The following CCDC172 variants were observed in gnomAD, a reference collection of about 807,000 sequenced individuals.
CCDC172 encodes coiled-coil domain containing 172.
A neutral mutation model predicts 38.0 loss-of-function variants in CCDC172; 30 were observed. That is an observed-to-expected ratio of 0.79 (90% confidence interval 0.59 to 1.07). The LOEUF is 1.07. CCDC172 is among the 50% of genes least tolerant of loss of function. The pLI, the probability that CCDC172 is intolerant of heterozygous loss-of-function variation, is 0.00. For synonymous variants in CCDC172, 78 were observed against 88.3 expected (o/e 0.88, Z 0.66); for missense variants, 297 against 290.1 (o/e 1.02, Z -0.17).
At chr10:116,365,359 A>G (rs191827564) in intron 7 of CCDC172, among the ~76,000 whole-genome samples, 120 of 152,282 alleles carry the variant, frequency 7.9e-4, no homozygotes, top group Admixed American at 1.4e-3. Flanking sequence ...TCACCACCTA[A>G]TTCTGATAGG....
At chr10:116,374,537 T>C (rs1303518373) in intron 7 of CCDC172, among the ~76,000 whole-genome samples, 1 of 151,996 alleles carries the variant, frequency 6.6e-6, no homozygotes, top group African/African-American at 2.4e-5. Flanking sequence ...AGTTCAGTAC[T>C]GTCTGCAGTT....
At chr10:116,359,104 T>C (rs1354957080) in intron 7 of CCDC172, among the ~76,000 whole-genome samples, 1 of 152,228 alleles carries the variant, frequency 6.6e-6, no homozygotes. Context: ...TCCTACTTTT[T>C]CATTCATTGA....
rs768483146 is a variant in CCDC172 at position 116,357,424 on chromosome 10, C to T, written c.493C>T (p.Gln165Ter). 4.4e-6 allele frequency: 7 copies of T among 1,582,730 alleles called. No individual in the cohort carries two copies. In the African/African-American group the frequency reaches 9.6e-5, roughly 22 times the overall value. The change falls in exon 6 of 9, where the codon CAA (glutamine) becomes TAA (stop). Residue 165 changes from glutamine (Q) to a stop codon, truncating the protein, a stop_gained. Transcript: ENST00000333254. LOFTEE classifies it high-confidence loss of function. ...EHDSSQLNELQKQKSELIQEL... is the reference protein window; with the variant it reads ...EHDSSQLNEL ...TGATAGTAGCCAGTTAAATGAACTT[C>T]AAAAACAAAAGAGTGAATTGATACA...
chr10:116,340,893 TA>T (rs768154702), intron 4 of CCDC172, 43 bp downstream of exon 4: 3 of 1,020,822 alleles, frequency 2.9e-6, no homozygotes, highest in Non-Finnish European at 4.6e-6. Context: ...CACTAATATG[TA>T]AAAAAGTATT....
intron 3 of CCDC172, among the ~76,000 whole-genome samples, chr10:116,335,258 A>T (rs1844714298): frequency 6.6e-6 from 1 of 152,052 alleles, no homozygotes; most frequent in Non-Finnish European, 1.5e-5. Context: ...AGTAAATGTC[A>T]CATGTTCCCC....
chr10:116,344,864 TAAA>T (rs77344850), intron 5 of CCDC172, among the ~76,000 whole-genome samples: 4 of 116,668 alleles, frequency 3.4e-5, no homozygotes, highest in Admixed American at 8.3e-5. Flanking sequence ...TACTTGAAAC[TAAA>T]AAAAAAAAAA....
At position 116,331,937 on chromosome 10, in the gene CCDC172, C is replaced by T. The variant is rs534421392; in HGVS notation, c.165+6549C>T. On this transcript the variant is annotated intron_variant, in intron 3 of 8. Coordinates refer to ENST00000333254, the MANE Select transcript of CCDC172 (RefSeq NM_198515.3). ...TTCTCAGGATATGACTCGTTTTCCA[C>T]TCATGGCTCAATGGGATATAGCTCA... Among the ~76,000 whole-genome samples the T allele has an allele frequency of 3.9e-5, 6 of 152,238 alleles. No homozygotes were observed. In the East Asian group the frequency reaches 1.2e-3, roughly 29 times the overall value.
chr10:116,362,534 G>A (rs988859629), intron 7 of CCDC172, among the ~76,000 whole-genome samples: 13 of 152,072 alleles, frequency 8.5e-5, no homozygotes, highest in South Asian at 2.1e-4. Flanking sequence ...GCAGCATTTC[G>A]TAGAGTAATA....
intron 3 of CCDC172, among the ~76,000 whole-genome samples, chr10:116,337,047 T>C (rs538866513): frequency 1.6e-3 from 245 of 151,126 alleles, no homozygotes; most frequent in Non-Finnish European, 2.7e-3. Flanking sequence ...GGAAAAACAG[T>C]CTTTATTGCT....
intron 4 of CCDC172, 106 bp from the exon 5 acceptor site, chr10:116,341,930 A>G (rs1844799663): frequency 3.8e-6 from 3 of 794,944 alleles, no homozygotes; most frequent in Non-Finnish European, 5.1e-6. Context: ...AAGTGTAACT[A>G]TATACTTTCA....
chr10:116,373,859 G>A (rs1188721296), intron 7 of CCDC172, among the ~76,000 whole-genome samples: 1 of 152,156 alleles, frequency 6.6e-6, no homozygotes, highest in Non-Finnish European at 1.5e-5. Flanking sequence ...TTGAAGTCAT[G>A]TATTAACCCA....
intron 5 of CCDC172, among the ~76,000 whole-genome samples, chr10:116,347,098 C>T (rs1234326700): frequency 7.6e-6 from 1 of 131,736 alleles, no homozygotes; most frequent in African/African-American, 2.5e-5. Flanking sequence ...TAATTTAAGT[C>T]AAGAGCTCAG....
chr10:116,331,311 C>CA (rs1326193498), intron 3 of CCDC172, among the ~76,000 whole-genome samples: 3 of 151,824 alleles, frequency 2.0e-5, no homozygotes. Flanking sequence ...TCAAAAGACC[C>CA]AAAAATTTGA....
chr10:116,361,032 CTATTAT>C (rs140026446), intron 7 of CCDC172, among the ~76,000 whole-genome samples: 8,146 of 142,094 alleles, frequency 0.057, 296 homozygotes, highest in African/African-American at 0.085. Flanking sequence ...ACCCCCAAAC[CTATTAT>C]TATTATTATT....
Position 116,340,819 on chromosome 10 carries a change from C to G in CCDC172, c.251C>G (p.Thr84Arg). The G allele has an allele frequency of 6.3e-7, 1 of 1,591,558 alleles. No individual in the cohort carries two copies. Among genetic ancestry groups the G allele is most frequent in the South Asian group, 1.1e-5 (1 of 89,562 alleles). ...TTAGAAAAACAGTACAGTGAAATTA[C>G]AAACCATAGGAATATGCTTCTTCAA... ...NALEKQYSEITNHRNMLLQTF... is the reference protein window; with the variant it reads ...NALEKQYSEIRNHRNMLLQTF... The change falls in exon 4 of 9, where the codon ACA becomes AGA. Residue 84 changes from threonine (T) to arginine (R), a missense_variant. Coordinates refer to ENST00000333254, the MANE Select transcript of CCDC172 (RefSeq NM_198515.3).
intron 3 of CCDC172, among the ~76,000 whole-genome samples, chr10:116,329,033 C>T (rs1241441063): frequency 6.6e-6 from 1 of 152,104 alleles, no homozygotes. Flanking sequence ...GAATACTTGG[C>T]AAATAAATTA....
chr10:116,332,056 G>A (rs577623988), intron 3 of CCDC172, among the ~76,000 whole-genome samples: 27 of 152,222 alleles, frequency 1.8e-4, no homozygotes, highest in African/African-American at 5.8e-4. Context: ...AGTACAATGA[G>A]TCCAACCCTG....
intron 5 of CCDC172, among the ~76,000 whole-genome samples, chr10:116,342,856 T>G (rs1844813323): frequency 6.6e-6 from 1 of 152,136 alleles, no homozygotes. Context: ...ATGTAAGATG[T>G]TCCTGCTTCC....
At chr10:116,346,864 G>C (rs1844874150) in intron 5 of CCDC172, among the ~76,000 whole-genome samples, 1 of 151,980 alleles carries the variant, frequency 6.6e-6, no homozygotes, top group Admixed American at 6.6e-5. Context: ...ACTTTATTTT[G>C]ATTAATGTGC....
Sources: gnomAD v4.1 joint callset for allele counts (sites outside exome capture counted in the v4.1 genomes callset) on GRCh38, gnomAD v4.1.1 for gene constraint, MANE v1.5 for transcripts, NCBI Gene and HGNC (gene_info 2026-07-23, HGNC 2026-07-21) for gene names.